CALN1: variants seen among roughly 807,000 people sequenced by gnomAD.
CALN1 encodes calcium-binding protein 8.
A neutral mutation model predicts 30.6 loss-of-function variants in CALN1; 17 were observed. That is an observed-to-expected ratio of 0.56 (90% CI 0.38 to 0.83). The LOEUF (loss-of-function observed/expected upper bound fraction) is 0.83. CALN1 is among the 40% of genes least tolerant of loss of function. The probability of loss-of-function intolerance (pLI) is 0.00; values close to 1 mark genes in which losing one functional copy is unlikely to be tolerated. For missense variants in CALN1, 291 were observed against 354.9 expected (o/e 0.82, Z 1.45); for synonymous variants, 156 against 131.4 (o/e 1.19, Z -1.28).
At chr7:72,301,335 G>T (rs556813408) in intron 2 of CALN1, among the ~76,000 whole-genome samples, 1 of 151,820 alleles carries the variant, frequency 6.6e-6, no homozygotes, top group East Asian at 2.0e-4. Context: ...AGGCCGGGCT[G>T]GGTGGCTCAC....
chr7:72,356,360 A>G lies in CALN1; in HGVS notation c.119+46891T>C, dbSNP rs543065956. Reference sequence around the variant, plus strand: ...TAGTTTCTTAAATCCACGAAGAAGTAAAATACATGAAAACAATTGCACAAA... The same window carrying G: ...TAGTTTCTTAAATCCACGAAGAAGTGAAATACATGAAAACAATTGCACAAA... On this transcript the variant is annotated intron_variant, in intron 2 of 6. Transcript: ENST00000395275. 1.5e-4 allele frequency among the ~76,000 whole-genome samples: 23 copies of G among 152,098 alleles called. No individual in the cohort carries two copies. The South Asian group carries it at 4.8e-3, about 32-fold the overall frequency.
chr7:72,351,651 G>T (rs911712917), intron 2 of CALN1, among the ~76,000 whole-genome samples: 8 of 152,098 alleles, frequency 5.3e-5, no homozygotes, highest in African/African-American at 1.7e-4. Context: ...TGTTATATTT[G>T]AAGGTGCACA....
chr7:71,947,164 C>A (rs536911649), intron 5 of CALN1, among the ~76,000 whole-genome samples: 1 of 152,070 alleles, frequency 6.6e-6, no homozygotes, highest in Non-Finnish European at 1.5e-5. Flanking sequence ...GCACCCACCA[C>A]CACGCCTGGC....
intron 5 of CALN1, among the ~76,000 whole-genome samples, chr7:71,889,592 A>G (rs1449661021): frequency 6.6e-6 from 1 of 152,054 alleles, no homozygotes; most frequent in African/African-American, 2.4e-5. Context: ...TAGGGTCTCA[A>G]CCTATGAATA....
Position 72,369,359 on chromosome 7 carries a change from T to TTTGTTGTTG in CALN1, c.119+33883_119+33891dup, listed in dbSNP as rs1554390883. On this transcript the variant is annotated intron_variant, in intron 2 of 6. Coordinates refer to ENST00000395275, the MANE Select transcript of CALN1 (RefSeq NM_031468.4). The stretch of plus-strand genomic sequence containing the variant: ...TATAAATATTATAAATATTTATTTT[T>TTTGTTGTTG]TTGTTGTTGTTGTTTGTTTTTGAGA... Among the ~76,000 whole-genome samples, 1,160 of 146,690 alleles carry TTTGTTGTTG rather than the reference T, an allele frequency of 7.9e-3. 15 individuals carry two copies. Among genetic ancestry groups the TTTGTTGTTG allele is most frequent in the African/African-American group, 0.027 (1,082 of 39,994 alleles).
At chr7:72,224,162 AC>A (rs1209085969) in intron 3 of CALN1, among the ~76,000 whole-genome samples, 3 of 152,194 alleles carry the variant, frequency 2.0e-5, no homozygotes, top group Admixed American at 6.5e-5. Flanking sequence ...TGGCATATGT[AC>A]CCCCTTGAAT....
At chr7:72,487,654 C>G in the CALN1 span, among the ~76,000 whole-genome samples, 1 of 142,712 alleles carries the variant, frequency 7.0e-6, no homozygotes, top group East Asian at 2.1e-4. Flanking sequence ...CCAGTGCACT[C>G]CAGCCTGGGC....
intron 6 of CALN1, among the ~76,000 whole-genome samples, chr7:71,802,864 A>C (rs1584251752): frequency 6.6e-6 from 1 of 152,034 alleles, no homozygotes; most frequent in East Asian, 1.9e-4. Context: ...CTGTACTAAA[A>C]ATACAAAAAT....
At chr7:72,374,076 G>A (rs933957983) in intron 2 of CALN1, among the ~76,000 whole-genome samples, 5 of 152,206 alleles carry the variant, frequency 3.3e-5, no homozygotes, top group African/African-American at 4.8e-5. Context: ...GAAACAAAGA[G>A]AATTTCTTGC....
At chr7:72,025,485 G>A (rs995090817) in intron 4 of CALN1, among the ~76,000 whole-genome samples, 2 of 152,182 alleles carry the variant, frequency 1.3e-5, no homozygotes, top group African/African-American at 2.4e-5. Flanking sequence ...CTTGTACAAT[G>A]AATGAATGAT....
At chr7:72,080,996 GT>G (rs1805099195) in intron 4 of CALN1, among the ~76,000 whole-genome samples, 1 of 152,078 alleles carries the variant, frequency 6.6e-6, no homozygotes. Flanking sequence ...TCTGGAATTG[GT>G]TTCAGATTTG....
chr7:72,184,013 T>A (rs1332638863), intron 3 of CALN1, among the ~76,000 whole-genome samples: 5 of 152,054 alleles, frequency 3.3e-5, no homozygotes, highest in African/African-American at 1.2e-4. Context: ...AAAATTGAAT[T>A]TACTCAACCA....
At chr7:72,347,992 A>G (rs1424713336) in intron 2 of CALN1, among the ~76,000 whole-genome samples, 8 of 152,100 alleles carry the variant, frequency 5.3e-5, no homozygotes, top group African/African-American at 1.2e-4. Context: ...TTATCCAGGC[A>G]TGGTAGCAGG....
intron 4 of CALN1, among the ~76,000 whole-genome samples, chr7:72,043,547 T>C (rs74774994): frequency 0.012 from 1,861 of 152,224 alleles, 41 homozygotes; most frequent in African/African-American, 0.043. Context: ...GCTGGGAAGA[T>C]TGCTTGAGGC....
intron 5 of CALN1, among the ~76,000 whole-genome samples, chr7:71,844,684 G>T (rs1311130772): frequency 6.6e-6 from 1 of 152,154 alleles, no homozygotes; most frequent in South Asian, 2.1e-4. Flanking sequence ...AAGGGCAGAA[G>T]AGAAAAGGAA....
chr7:72,126,184 TGAGTTGCTTCAC>T (rs1263660382), intron 3 of CALN1, among the ~76,000 whole-genome samples: 2 of 152,200 alleles, frequency 1.3e-5, no homozygotes, highest in East Asian at 3.9e-4. Context: ...TTTCCATTCC[TGAGTTGCTTCAC>T]TTAGAATAAT....
chr7:72,264,490 A>G (rs1796482255), intron 3 of CALN1, among the ~76,000 whole-genome samples: 2 of 142,144 alleles, frequency 1.4e-5, no homozygotes, highest in South Asian at 4.7e-4. Context: ...AAAAATAATA[A>G]GCAGGATTTT....
intron 3 of CALN1, among the ~76,000 whole-genome samples, chr7:72,247,922 GGGAGTTCCA>G (rs139116044): frequency 1.6e-3 from 243 of 152,282 alleles, no homozygotes; most frequent in African/African-American, 5.6e-3. Context: ...GGCTTGAGCC[GGGAGTTCCA>G]GGTTGCAGTG....
At chr7:72,036,828 TTTC>T (rs965985640) in intron 4 of CALN1, among the ~76,000 whole-genome samples, 7 of 151,748 alleles carry the variant, frequency 4.6e-5, no homozygotes, top group African/African-American at 1.5e-4. Context: ...TGGGCCATTC[TTTC>T]TTGTTTCTTT....
Sources: allele counts gnomAD v4.1 joint callset (sites outside exome capture counted in the v4.1 genomes callset), GRCh38; gene constraint gnomAD v4.1.1; transcripts MANE v1.5; gene names NCBI Gene and HGNC (gene_info 2026-07-23, HGNC 2026-07-21).